MFAP3L: variants seen among roughly 807,000 people sequenced by gnomAD.
The protein encoded by MFAP3L is microfibril associated protein 3 like, also known as microfibrillar-associated protein 3-like.
Under a neutral mutation model 20.0 loss-of-function variants are expected in MFAP3L, and 5 were observed. The observed-to-expected ratio is 0.25, with a 90% CI of 0.13 to 0.53. The LOEUF is 0.53. Ranked by LOEUF, MFAP3L falls within the 20% of genes least tolerant of loss-of-function variation. MFAP3L has a pLI of 0.96. For synonymous variants in MFAP3L, 219 were observed against 213.0 expected (o/e 1.03, Z -0.25); for missense variants, 409 against 527.5 (o/e 0.78, Z 2.20).
chr4:170,001,709 A>G (rs1028133552), intron 2 of MFAP3L, among the ~76,000 whole-genome samples: 9 of 152,238 alleles, frequency 5.9e-5, no homozygotes, highest in African/African-American at 1.2e-4. Flanking sequence ...TGAAAACAGT[A>G]TATTTCGTGG....
At chr4:170,005,478 A>T in intron 2 of MFAP3L, 102 bp downstream of exon 2, 1 of 1,264,702 alleles carries the variant, frequency 7.9e-7, no homozygotes, top group Non-Finnish European at 1.1e-6. Context: ...ACAAGATGAG[A>T]TCTTTAAATC....
intron 1 of MFAP3L, among the ~76,000 whole-genome samples, chr4:170,020,272 TTGTTTAA>T (rs1451138169): frequency 6.6e-6 from 1 of 152,112 alleles, no homozygotes; most frequent in African/African-American, 2.4e-5. Context: ...TATAAAGACA[TTGTTTAA>T]AATGTCCCCT....
chr4:170,003,067 C>G (rs182354824), intron 2 of MFAP3L, among the ~76,000 whole-genome samples: 13 of 152,206 alleles, frequency 8.5e-5, no homozygotes, highest in African/African-American at 3.1e-4. Flanking sequence ...CTGTGTATTG[C>G]TTGGTTGTTA....
chr4:170,006,107 T>C, intron 1 of MFAP3L, 97 bp from the exon 2 acceptor site: 2 of 818,190 alleles, frequency 2.4e-6, no homozygotes, highest in Non-Finnish European at 3.4e-6. Flanking sequence ...AATACAAACA[T>C]CAACATACTT....
At chr4:169,996,341 A>C (rs75739600) in intron 2 of MFAP3L, among the ~76,000 whole-genome samples, 7,030 of 152,250 alleles carry the variant, frequency 0.046, 244 homozygotes, top group Non-Finnish European at 0.072. Context: ...TTCAGTCAAC[A>C]AATATCATTG....
chr4:170,023,671 C>T (rs1032897515), intron 1 of MFAP3L, among the ~76,000 whole-genome samples: 2 of 152,310 alleles, frequency 1.3e-5, no homozygotes, highest in African/African-American at 4.8e-5. Context: ...GGGTTAGATG[C>T]CAACTTAGGG....
At chr4:169,995,263 A>C (rs1393897575) in intron 2 of MFAP3L, 1 of 152,218 alleles carries the variant, frequency 6.6e-6, no homozygotes, top group African/African-American at 2.4e-5. Flanking sequence ...CAGTTCTAAG[A>C]CTATCATAGA....
intron 1 of MFAP3L, among the ~76,000 whole-genome samples, chr4:170,021,098 A>G (rs935434358): frequency 2.6e-5 from 4 of 152,200 alleles, no homozygotes; most frequent in Admixed American, 2.0e-4. Context: ...ACCCAGGGAA[A>G]GCAGAGTACA....
At chr4:170,009,944 G>A (rs1739275194) in intron 1 of MFAP3L, among the ~76,000 whole-genome samples, 2 of 152,222 alleles carry the variant, frequency 1.3e-5, no homozygotes, top group South Asian at 4.1e-4. Context: ...CTACTCTGAT[G>A]AATAATTTGT....
chr4:169,991,439 G>A lies in MFAP3L; in HGVS notation c.1169C>T (p.Ala390Val). The A allele has an allele frequency of 6.2e-7, 1 of 1,614,176 alleles. No individual in the cohort carries two copies. The highest frequency in any genetic ancestry group is 1.3e-5 in the African/African-American group (1 of 75,040). The change falls in exon 3 of 3, where the codon GCC (alanine) becomes GTC (valine). Residue 390 changes from alanine to valine, a missense_variant. Ala to Val is a moderately conservative substitution (Grantham distance 64). Around this residue, in one of 3 missense-constraint regions of MFAP3L, gnomAD observed 169 missense variants for 178.2 expected, o/e 0.95. Coordinates refer to ENST00000361618, the MANE Select transcript of MFAP3L (RefSeq NM_021647.8). The surrounding 1 kb of genome is among the most constrained non-coding windows in gnomAD (Gnocchi z 4.9). ...DKVLPPAYLE[A>V]TEPAVTHDKN... ...GTCATGTGTCACTGCTGGCTCTGTGGCTTCCAGGTAAGCTGGCGGCAGTAC... is the reference window on the plus strand; with the variant it reads ...GTCATGTGTCACTGCTGGCTCTGTGACTTCCAGGTAAGCTGGCGGCAGTAC...
Position 169,991,422 on chromosome 4 carries a change from T to C in MFAP3L, c.1186A>G (p.Thr396Ala). 1 of 1,614,162 alleles carries C rather than the reference T, an allele frequency of 6.2e-7. No individual in the cohort carries two copies. Among genetic ancestry groups the C allele is most frequent in the Non-Finnish European group, 8.5e-7 (1 of 1,180,000 alleles). The change falls in exon 3 of 3, where the codon ACA becomes GCA. Residue 396 changes from threonine to alanine, a missense_variant. Physicochemically the swap from Thr to Ala is moderately conservative, Grantham distance 58 (BLOSUM62 0). Around this residue, in one of 3 missense-constraint regions of MFAP3L, gnomAD observed 169 missense variants for 178.2 expected, o/e 0.95. Transcript: ENST00000361618. This position sits in a 1 kb window ranked among gnomAD's most constrained non-coding sequence, Gnocchi z 4.9. ...AYLEATEPAV[T>A]HDKNTCIIYE... ...ATAATGCAGGTGTTTTTGTCATGTG[T>C]CACTGCTGGCTCTGTGGCTTCCAGG...
intron 1 of MFAP3L, 105 bp from the exon 2 acceptor site, chr4:170,006,115 CT>C (rs11383582): frequency 0.14 from 83,078 of 596,910 alleles, 3 homozygotes; most frequent in Middle Eastern, 0.16. Flanking sequence ...CATCAACATA[CT>C]TTTTTTTTTT....
At chr4:170,003,841 T>G (rs766833636) in intron 2 of MFAP3L, 1 of 985,484 alleles carries the variant, frequency 1.0e-6, no homozygotes, top group Non-Finnish European at 1.2e-6. Flanking sequence ...TTCACAAGTG[T>G]GACATCACTG....
chr4:169,992,305 T>C lies in MFAP3L; in HGVS notation c.303A>G (p.Lys101=). Residue 101 remains lysine (K), a synonymous_variant, in exon 3 of 3, where the codon AAA becomes AAG. Coordinates refer to ENST00000361618, the MANE Select transcript of MFAP3L (RefSeq NM_021647.8). This position sits in a 1 kb window ranked among gnomAD's most constrained non-coding sequence, Gnocchi z 4.3. ...EEDEKERGGG[K]WQMHDSGLLN... ...GGAGGCCGCTGTCGTGCATTTGCCA[T>C]TTTCCTGTCGGAAGGGAGAGAAGAG... is the stretch of plus-strand genomic sequence containing the variant. The C allele has an allele frequency of 5.0e-6, 8 of 1,603,642 alleles. No individual in the cohort carries two copies. The highest frequency in any genetic ancestry group is 6.8e-6 in the Non-Finnish European group (8 of 1,173,764).
At chr4:169,994,309 C>A in intron 2 of MFAP3L, 1 of 985,394 alleles carries the variant, frequency 1.0e-6, no homozygotes, top group Non-Finnish European at 1.2e-6. Context: ...CCCATCCGTA[C>A]CACTTTTTGG....
At chr4:169,994,504 A>T in intron 2 of MFAP3L, 1 of 975,336 alleles carries the variant, frequency 1.0e-6, no homozygotes, top group Non-Finnish European at 1.2e-6. Context: ...TAGTTACAAC[A>T]TCCCAATGCT....
chr4:170,019,026 C>T (rs1739870294), intron 1 of MFAP3L, among the ~76,000 whole-genome samples: 1 of 152,224 alleles, frequency 6.6e-6, no homozygotes, highest in Non-Finnish European at 1.5e-5. Flanking sequence ...AAAGACCTAA[C>T]AGGAGGTGCT....
intron 2 of MFAP3L, chr4:170,002,243 T>G: frequency 1.0e-6 from 1 of 985,338 alleles, no homozygotes; most frequent in Non-Finnish European, 1.2e-6. Context: ...GATGATGTGG[T>G]GGGGCACAGA....
intron 2 of MFAP3L, chr4:170,005,083 C>T (rs2110998915): frequency 6.3e-6 from 1 of 157,508 alleles, no homozygotes; most frequent in South Asian, 1.9e-4. Flanking sequence ...CCTGCCTCAG[C>T]CTAGAAACTG....
Sources: gnomAD v4.1 joint callset for allele counts (sites outside exome capture counted in the v4.1 genomes callset) on GRCh38, gnomAD v4.1.1 for gene constraint, gnomAD v4.1.1 regional missense constraint, Gnocchi (gnomAD v3.1) non-coding constraint, MANE v1.5 for transcripts, NCBI Gene and HGNC (gene_info 2026-07-23, HGNC 2026-07-21) for gene names.